SPDYA: variants seen among roughly 807,000 people sequenced by gnomAD.
SPDYA encodes speedy/RINGO cell cycle regulator family member A.
SPDYA carries 11 observed loss-of-function variants against 36.7 expected under a neutral mutation model. The ratio of observed to expected loss-of-function variants is 0.30; its 90% CI spans 0.19 to 0.50. The LOEUF is 0.50. SPDYA is among the 20% of genes least tolerant of loss of function. The pLI is 0.98. For synonymous variants in SPDYA, 115 were observed against 118.7 expected (o/e 0.97, Z 0.20); for missense variants, 287 against 370.9 (o/e 0.77, Z 1.86).
chr2:28,820,705 G>A (rs1668135106), intron 4 of SPDYA, among the ~76,000 whole-genome samples: 1 of 152,072 alleles, frequency 6.6e-6, no homozygotes. Flanking sequence ...GTACCAAGCA[G>A]TCATATTTGA....
At chr2:28,847,302 CAT>C (rs1668901545) in intron 7 of SPDYA, among the ~76,000 whole-genome samples, 1 of 152,096 alleles carries the variant, frequency 6.6e-6, no homozygotes. Context: ...AAGACCATGC[CAT>C]TGCACTCCAG....
chr2:28,837,523 T>A (rs1007480430), intron 6 of SPDYA, among the ~76,000 whole-genome samples: 1 of 152,184 alleles, frequency 6.6e-6, no homozygotes, highest in Non-Finnish European at 1.5e-5. Flanking sequence ...ATTTAAGAGA[T>A]TCAAGGTCAA....
In SPDYA at chr2:28,845,346, T is replaced by C. The variant is rs566497090; in HGVS notation, c.851-4504T>C. 2.0e-5 allele frequency among the ~76,000 whole-genome samples: 3 copies of C among 150,738 alleles called. No homozygotes were observed. In the East Asian group the frequency reaches 6.0e-4, roughly 30 times the overall value. On this transcript the variant is annotated intron_variant, in intron 7 of 7. Coordinates refer to ENST00000334056, the MANE Select transcript of SPDYA (RefSeq NM_182756.4). The stretch of plus-strand genomic sequence containing the variant: ...CCTGACCTCAAGCAATCCTCCCACC[T>C]TGGCCTCCCAAAGTGGTGGGGTTAC...
intron 7 of SPDYA, among the ~76,000 whole-genome samples, chr2:28,848,625 CCTA>C (rs1439550138): frequency 6.6e-6 from 1 of 152,068 alleles, no homozygotes; most frequent in Non-Finnish European, 1.5e-5. Flanking sequence ...TTTAAAATGT[CCTA>C]CGTTCTATAA....
At chr2:28,812,298 C>T (rs1195259503) in intron 1 of SPDYA, among the ~76,000 whole-genome samples, 1 of 152,082 alleles carries the variant, frequency 6.6e-6, no homozygotes, top group East Asian at 1.9e-4. Context: ...CCTGTCCTGA[C>T]TGAGTTGCCA....
At chr2:28,813,980 C>G (rs1667921024) in intron 1 of SPDYA, among the ~76,000 whole-genome samples, 1 of 152,208 alleles carries the variant, frequency 6.6e-6, no homozygotes, top group Non-Finnish European at 1.5e-5. Flanking sequence ...CTCAATTTAT[C>G]ACCTACTCCT....
At chr2:28,835,814 T>C (rs1451059145) in intron 6 of SPDYA, among the ~76,000 whole-genome samples, 1 of 152,200 alleles carries the variant, frequency 6.6e-6, no homozygotes, top group African/African-American at 2.4e-5. Context: ...GCCTAGTAGA[T>C]TTTATCCTGT....
At chr2:28,840,930 GTTTTTT>G (rs70956054) in intron 7 of SPDYA, 7 of 114,644 alleles carry the variant, frequency 6.1e-5, no homozygotes, top group Non-Finnish European at 1.1e-4. Flanking sequence ...TCCAAAACCA[GTTTTTT>G]TTTTTTTTTT....
At position 28,829,334 on chromosome 2, in the gene SPDYA, A is replaced by G. The variant is rs767711862; in HGVS notation, c.552+15A>G. The G allele has an allele frequency of 1.9e-6, 3 of 1,592,528 alleles. No individual in the cohort carries two copies. The highest frequency in any genetic ancestry group is 1.2e-5 in the South Asian group (1 of 85,972). ...GTTGTGAGGAGGTAAGAATTTTAAA[A>G]TGCTTTATATATGTAATCTTTGTTT... On this transcript the variant is annotated intron_variant, in intron 6 of 7. Transcript: ENST00000334056.
At chr2:28,829,424 T>TG (rs1668418399) in intron 6 of SPDYA, 105 bp downstream of exon 6, 5 of 1,162,246 alleles carry the variant, frequency 4.3e-6, no homozygotes, top group Non-Finnish European at 6.0e-6. Flanking sequence ...TGGGTTTTTT[T>TG]TTTTTTTCTA....
Position 28,850,330 on chromosome 2 carries a change from G to GT in SPDYA, c.*390dup. On this transcript the variant is annotated 3_prime_UTR_variant, in exon 8 of 8. Transcript: ENST00000334056. ...TATGTTCTGAAAACATTACTCACCT[G>GT]TATGACCAGGTTGCCAGTGTACTGG... is the stretch of plus-strand genomic sequence containing the variant. 1 of 1,608,606 alleles carries GT rather than the reference G, an allele frequency of 6.2e-7. No homozygotes were observed. Among genetic ancestry groups the GT allele is most frequent in the Admixed American group, 1.7e-5 (1 of 59,840 alleles).
At position 28,849,995 on chromosome 2, in the gene SPDYA, T is replaced by G. The variant is rs1669003084; in HGVS notation, c.*54T>G. ...ATTAACTACAAAATGTCAAACTAACTGCAAGACAAGTGTCAAAATGGGATG... is the reference window on the plus strand; with the variant it reads ...ATTAACTACAAAATGTCAAACTAACGGCAAGACAAGTGTCAAAATGGGATG... On this transcript the variant is annotated 3_prime_UTR_variant, in exon 8 of 8. Transcript: ENST00000334056. The G allele has an allele frequency of 7.2e-7, 1 of 1,393,364 alleles. No individual in the cohort carries two copies. The highest frequency in any genetic ancestry group is 1.0e-6 in the Non-Finnish European group (1 of 1,000,486). 86.3% of individuals were successfully genotyped at this position (1,393,364 alleles called of 1,614,324 possible).
chr2:28,827,601 A>C (rs1668364449), intron 5 of SPDYA, among the ~76,000 whole-genome samples: 1 of 151,494 alleles, frequency 6.6e-6, no homozygotes, highest in Admixed American at 6.6e-5. Flanking sequence ...TCCAATGAGA[A>C]ATCTACCCCA....
At chr2:28,813,705 C>A (rs1360538146) in intron 1 of SPDYA, among the ~76,000 whole-genome samples, 1 of 152,068 alleles carries the variant, frequency 6.6e-6, no homozygotes, top group Non-Finnish European at 1.5e-5. Flanking sequence ...GCGCCTGCCA[C>A]CATGCCCAGC....
intron 5 of SPDYA, among the ~76,000 whole-genome samples, chr2:28,827,642 G>T (rs939493268): frequency 5.3e-5 from 8 of 150,936 alleles, no homozygotes; most frequent in South Asian, 2.1e-4. Context: ...TTATCTAATG[G>T]TTTTTTTTTC....
chr2:28,847,638 C>G lies in SPDYA; in HGVS notation c.851-2212C>G, dbSNP rs112176169. On this transcript the variant is annotated intron_variant, in intron 7 of 7. Coordinates refer to ENST00000334056, the MANE Select transcript of SPDYA (RefSeq NM_182756.4). ...GCACATACCTGTAATCACAGGTACT[C>G]GGGAGGCTGAGACCGGGGAATTGCT... 7.2e-3 allele frequency among the ~76,000 whole-genome samples: 1,074 copies of G among 148,754 alleles called. 11 individuals are homozygous for G. The highest frequency in any genetic ancestry group is 0.024 in the African/African-American group (972 of 40,358).
intron 7 of SPDYA, among the ~76,000 whole-genome samples, chr2:28,846,280 T>C (rs1284533510): frequency 6.6e-6 from 1 of 152,074 alleles, no homozygotes; most frequent in Non-Finnish European, 1.5e-5. Flanking sequence ...TGGTGGTGCA[T>C]GCCTGTAATT....
At chr2:28,835,996 T>C (rs1161464720) in intron 6 of SPDYA, among the ~76,000 whole-genome samples, 1 of 152,280 alleles carries the variant, frequency 6.6e-6, no homozygotes, top group Admixed American at 6.5e-5. Context: ...CCTGGCATAC[T>C]GCCAAACGAA....
chr2:28,812,102 C>G (rs1433473529), intron 1 of SPDYA, among the ~76,000 whole-genome samples: 1 of 152,132 alleles, frequency 6.6e-6, no homozygotes, highest in Non-Finnish European at 1.5e-5. Context: ...TTACTATGAG[C>G]CTTTGGGAAA....
Sources: gnomAD v4.1 joint callset for allele counts (sites outside exome capture counted in the v4.1 genomes callset) on GRCh38, gnomAD v4.1.1 for gene constraint, MANE v1.5 for transcripts, NCBI Gene and HGNC (gene_info 2026-07-23, HGNC 2026-07-21) for gene names.